Variants in DACH1 observed in about 807,000 individuals in gnomAD.
DACH1 encodes dachshund homolog 1.
In DACH1, 12 loss-of-function variants were observed where a neutral mutation model predicts 54.2. The ratio of observed to expected loss-of-function variants is 0.22; its 90% confidence interval spans 0.14 to 0.36. DACH1 has a LOEUF of 0.36. Among genes scored for constraint, DACH1 ranks in the 10% least tolerant of loss-of-function variants. DACH1 has a pLI of 1.00. For synonymous variants in DACH1, 386 were observed against 366.2 expected (o/e 1.05, Z -0.62); for missense variants, 805 against 929.8 (o/e 0.87, Z 1.75).
At chr13:71,525,769 TTTAAGA>T (rs772843814) in intron 6 of DACH1, among the ~76,000 whole-genome samples, 3 of 152,132 alleles carry the variant, frequency 2.0e-5, no homozygotes, top group South Asian at 2.1e-4. Context: ...TATCAAAAAC[TTTAAGA>T]TTAATAGTAT....
At chr13:71,765,759 A>G (rs1885592684) in intron 1 of DACH1, among the ~76,000 whole-genome samples, 1 of 152,222 alleles carries the variant, frequency 6.6e-6, no homozygotes, top group African/African-American at 2.4e-5. Context: ...CAGTTTTATA[A>G]GTAATGTTTC....
At chr13:71,565,604 C>T (rs1884851278) in intron 4 of DACH1, among the ~76,000 whole-genome samples, 1 of 151,990 alleles carries the variant, frequency 6.6e-6, no homozygotes. Context: ...ATGCTTACAC[C>T]TAGTTGAGGA....
chr13:71,703,900 A>G (rs1174766254), intron 1 of DACH1, among the ~76,000 whole-genome samples: 1 of 152,204 alleles, frequency 6.6e-6, no homozygotes, highest in Non-Finnish European at 1.5e-5. Flanking sequence ...CTGATTATTA[A>G]CAAATAATCC....
intron 3 of DACH1, among the ~76,000 whole-genome samples, chr13:71,592,358 G>T (rs1245447815): frequency 6.6e-6 from 1 of 151,618 alleles, no homozygotes; most frequent in Non-Finnish European, 1.5e-5. Context: ...AGCTGGGCGT[G>T]GTGACATCCA....
At chr13:71,505,273 G>A (rs540801431) in intron 6 of DACH1, among the ~76,000 whole-genome samples, 54 of 152,216 alleles carry the variant, frequency 3.5e-4, no homozygotes, top group African/African-American at 1.3e-3. Flanking sequence ...AGTAGAGACA[G>A]GGTTTCCTCA....
rs193263372 is a variant in DACH1 at position 71,667,671 on chromosome 13, A to G, written c.964+14124T>C. 2.5e-3 allele frequency among the ~76,000 whole-genome samples: 376 copies of G among 152,324 alleles called. 3 individuals carry two copies. Among genetic ancestry groups the G allele is most frequent in the African/African-American group, 7.7e-3 (322 of 41,576 alleles). On this transcript the variant is annotated intron_variant, in intron 2 of 10. Transcript: ENST00000613252. ...AATCCATGCCGAGAAAGCAATTGCC[A>G]TTATAAATCAAAAAGACAACTCATA...
chr13:71,761,283 C>G (rs1566484545), intron 1 of DACH1, among the ~76,000 whole-genome samples: 1 of 152,082 alleles, frequency 6.6e-6, no homozygotes. Flanking sequence ...TATTTTCACA[C>G]TTTGTAATTC....
At chr13:71,606,291 T>C (rs1263582109) in intron 3 of DACH1, among the ~76,000 whole-genome samples, 3 of 152,086 alleles carry the variant, frequency 2.0e-5, no homozygotes, top group African/African-American at 4.8e-5. Context: ...CTGTTTATTA[T>C]GTTTCTTACA....
At chr13:71,573,379 A>T (rs1885335668) in intron 3 of DACH1, 2 of 711,498 alleles carry the variant, frequency 2.8e-6, no homozygotes, top group East Asian at 2.7e-5. Flanking sequence ...ACAATTTAAA[A>T]AAAACTATGA....
intron 10 of DACH1, among the ~76,000 whole-genome samples, chr13:71,473,985 T>C (rs1877304913): frequency 6.6e-6 from 1 of 152,182 alleles, no homozygotes; most frequent in Non-Finnish European, 1.5e-5. Context: ...TACAAACACA[T>C]ACACAATATA....
intron 3 of DACH1, among the ~76,000 whole-genome samples, chr13:71,590,925 C>CA (rs1873667008): frequency 2.4e-5 from 3 of 125,116 alleles, no homozygotes; most frequent in Non-Finnish European, 4.7e-5. Flanking sequence ...GTCAACCAGG[C>CA]GGGAGTGCAG....
intron 3 of DACH1, among the ~76,000 whole-genome samples, chr13:71,583,380 A>G (rs79519598): frequency 2.6e-4 from 39 of 152,164 alleles, no homozygotes; most frequent in Non-Finnish European, 4.3e-4. Flanking sequence ...TAAATAATGA[A>G]TGATGAAATA....
At chr13:71,759,679 A>G (rs189600947) in intron 1 of DACH1, among the ~76,000 whole-genome samples, 3 of 152,320 alleles carry the variant, frequency 2.0e-5, no homozygotes, top group Non-Finnish European at 2.9e-5. Context: ...CCTTGTATGC[A>G]TGTTATAATG....
At chr13:71,492,922 G>T (rs1026850515) in intron 6 of DACH1, among the ~76,000 whole-genome samples, 3 of 151,712 alleles carry the variant, frequency 2.0e-5, no homozygotes, top group African/African-American at 7.3e-5. Context: ...AGAATACGAT[G>T]ATTTAATCAA....
At chr13:71,527,973 A>ATAACCATATAACCATATAACCAT (rs1882124487) in intron 6 of DACH1, among the ~76,000 whole-genome samples, 1 of 152,130 alleles carries the variant, frequency 6.6e-6, no homozygotes, top group South Asian at 2.1e-4. Flanking sequence ...ACCATATAAC[A>ATAACCATATAACCATATAACCAT]GTTCAAGATG....
At position 71,704,209 on chromosome 13, in the gene DACH1, G is replaced by A. The variant is rs183446667; in HGVS notation, c.849-22299C>T. The A allele has an allele frequency of 2.1e-4, 49 of 235,668 alleles. No homozygotes were observed. In the South Asian group the frequency reaches 2.2e-3, roughly 10 times the overall value. 14.6% of individuals were successfully genotyped at this position (235,668 alleles called of 1,614,324 possible). On this transcript the variant is annotated intron_variant, in intron 1 of 10. Coordinates refer to ENST00000613252, the MANE Select transcript of DACH1 (RefSeq NM_080759.6). Reference sequence around the variant, plus strand: ...AGAAAAACAAAGGGAAAGAAGAGAGGCACCTGATATATGTTCTCTAGGCCT... The same window carrying A: ...AGAAAAACAAAGGGAAAGAAGAGAGACACCTGATATATGTTCTCTAGGCCT...
At chr13:71,864,303 T>C (rs1456945907) in intron 1 of DACH1, among the ~76,000 whole-genome samples, 1 of 152,098 alleles carries the variant, frequency 6.6e-6, no homozygotes, top group East Asian at 1.9e-4. Context: ...GAAAAGAATT[T>C]CTGGCTAGGT....
chr13:71,566,823 T>C (rs1236280413), intron 4 of DACH1, among the ~76,000 whole-genome samples: 2 of 152,060 alleles, frequency 1.3e-5, no homozygotes, highest in Non-Finnish European at 2.9e-5. Flanking sequence ...TAAATTTTTG[T>C]GAAAAAAATT....
intron 6 of DACH1, among the ~76,000 whole-genome samples, chr13:71,535,961 T>G (rs1882758903): frequency 6.6e-6 from 1 of 152,016 alleles, no homozygotes; most frequent in South Asian, 2.1e-4. Flanking sequence ...TAGAAATTGG[T>G]TAAACATAAT....
Sources: allele counts gnomAD v4.1 joint callset (sites outside exome capture counted in the v4.1 genomes callset), GRCh38; gene constraint gnomAD v4.1.1; transcripts MANE v1.5; gene names NCBI Gene and HGNC (gene_info 2026-07-23, HGNC 2026-07-21).